Variants in RAD51B observed in about 807,000 individuals in gnomAD.
RAD51B encodes RAD51 paralog B.
RAD51B carries 38 observed loss-of-function variants against 42.2 expected under a neutral mutation model. That is an observed-to-expected ratio of 0.90 (90% CI 0.70 to 1.18). The LOEUF is 1.18. Ranked by LOEUF, RAD51B falls within the 50% of genes most tolerant of loss-of-function variation. The pLI is 0.00. For synonymous variants in RAD51B, 154 were observed against 145.2 expected (o/e 1.06, Z -0.43); for missense variants, 373 against 400.7 (o/e 0.93, Z 0.59).
At chr14:68,060,084 T>C (rs1480218833) in intron 7 of RAD51B, among the ~76,000 whole-genome samples, 1 of 152,192 alleles carries the variant, frequency 6.6e-6, no homozygotes, top group Non-Finnish European at 1.5e-5. Context: ...CCCAGTGCCA[T>C]GACCACTTTT....
At chr14:68,101,360 G>C (rs2077286042) in intron 7 of RAD51B, among the ~76,000 whole-genome samples, 1 of 152,146 alleles carries the variant, frequency 6.6e-6, no homozygotes, top group South Asian at 2.1e-4. Context: ...AAAAGTCCAA[G>C]TCCAAAGTCT....
chr14:67,948,809 G>A (rs1483791525), intron 7 of RAD51B, among the ~76,000 whole-genome samples: 1 of 151,624 alleles, frequency 6.6e-6, no homozygotes, highest in Non-Finnish European at 1.5e-5. Context: ...GTGGGCGCCT[G>A]TAGTCCCATC....
intron 9 of RAD51B, among the ~76,000 whole-genome samples, chr14:68,462,584 T>C (rs545734886): frequency 1.3e-5 from 2 of 152,150 alleles, no homozygotes; most frequent in East Asian, 3.9e-4. Flanking sequence ...CAAAACAGAG[T>C]CTCACGATGT....
intron 7 of RAD51B, among the ~76,000 whole-genome samples, chr14:68,129,113 G>A (rs1207385102): frequency 6.6e-6 from 1 of 152,214 alleles, no homozygotes; most frequent in African/African-American, 2.4e-5. Flanking sequence ...TTTTATAGAT[G>A]AGGAGATCGG....
intron 7 of RAD51B, among the ~76,000 whole-genome samples, chr14:67,899,929 T>C (rs184902379): frequency 1.3e-4 from 20 of 152,354 alleles, no homozygotes; most frequent in African/African-American, 4.1e-4. Flanking sequence ...GTGATTACAA[T>C]GCATGTGTTC....
chr14:68,581,515 C>T (rs1333676531), intron 10 of RAD51B, among the ~76,000 whole-genome samples: 1 of 152,088 alleles, frequency 6.6e-6, no homozygotes, highest in Non-Finnish European at 1.5e-5. Flanking sequence ...GTACAACAAG[C>T]AGTCTGAGGG....
At chr14:67,980,000 T>A (rs2075061865) in intron 7 of RAD51B, among the ~76,000 whole-genome samples, 1 of 152,240 alleles carries the variant, frequency 6.6e-6, no homozygotes, top group African/African-American at 2.4e-5. Flanking sequence ...GTACTTCATC[T>A]TTTTAAAAGG....
At chr14:68,546,106 G>A (rs1465619224) in intron 10 of RAD51B, among the ~76,000 whole-genome samples, 2 of 152,218 alleles carry the variant, frequency 1.3e-5, no homozygotes, top group African/African-American at 4.8e-5. Flanking sequence ...CTGGCACACA[G>A]TGGGTCACCA....
At chr14:68,131,424 G>C (rs1045922300) in intron 7 of RAD51B, among the ~76,000 whole-genome samples, 1 of 152,114 alleles carries the variant, frequency 6.6e-6, no homozygotes, top group Admixed American at 6.5e-5. Flanking sequence ...CGCTGGGTGC[G>C]GTGGCTCACG....
intron 8 of RAD51B, among the ~76,000 whole-genome samples, chr14:68,364,115 C>G (rs1352134543): frequency 2.0e-5 from 3 of 152,214 alleles, no homozygotes; most frequent in African/African-American, 4.8e-5. Context: ...CATCCTAACC[C>G]TCTCTCCTTC....
At chr14:68,298,685 C>T (rs963959377) in intron 8 of RAD51B, among the ~76,000 whole-genome samples, 4 of 152,104 alleles carry the variant, frequency 2.6e-5, no homozygotes, top group Admixed American at 6.5e-5. Context: ...AGAGAGGTGA[C>T]GACAGGGCCA....
intron 7 of RAD51B, among the ~76,000 whole-genome samples, chr14:68,227,998 T>C (rs778918611): frequency 6.6e-6 from 1 of 152,228 alleles, no homozygotes; most frequent in Non-Finnish European, 1.5e-5. Flanking sequence ...GCTAAATGTT[T>C]TGCATACATT....
intron 7 of RAD51B, among the ~76,000 whole-genome samples, chr14:68,096,889 T>C (rs2077205391): frequency 6.6e-6 from 1 of 152,244 alleles, no homozygotes; most frequent in African/African-American, 2.4e-5. Context: ...TAATTATTTA[T>C]TTTGTCAGTA....
chr14:68,631,336 T>C (rs932901194), intron 10 of RAD51B, among the ~76,000 whole-genome samples: 4 of 152,278 alleles, frequency 2.6e-5, no homozygotes, highest in East Asian at 1.9e-4. Context: ...ATAATATTGT[T>C]TCACTTCCTG....
rs767754017 is a variant in RAD51B at position 68,411,452 on chromosome 14, C to T, written c.882C>T (p.Ala294=). ...CTTCTGGATCCAGCTGTGTGATAGCCGCACTAGGAAATACCTGGAGTCACA... is the reference window on the plus strand; with the variant it reads ...CTTCTGGATCCAGCTGTGTGATAGCTGCACTAGGAAATACCTGGAGTCACA... The part of the protein sequence containing the change: ...EGTSGSSCVI[A]ALGNTWSHSV... The change falls in exon 9 of 11, where the codon GCC becomes GCT. Residue 294 remains alanine, a synonymous_variant. Coordinates refer to ENST00000471583, the MANE Select transcript of RAD51B (RefSeq NM_133510.4). 1.1e-5 allele frequency: 18 copies of T among 1,613,938 alleles called. No homozygotes were observed. Among genetic ancestry groups the T allele is most frequent in the African/African-American group, 8.0e-5 (6 of 74,900 alleles).
chr14:68,041,790 A>C (rs1566599653), intron 7 of RAD51B, among the ~76,000 whole-genome samples: 1 of 152,106 alleles, frequency 6.6e-6, no homozygotes, highest in Non-Finnish European at 1.5e-5. Context: ...TCTGCCATTC[A>C]GCTATTTTAC....
intron 10 of RAD51B, among the ~76,000 whole-genome samples, chr14:68,619,554 G>C (rs915510683): frequency 6.6e-6 from 1 of 152,154 alleles, no homozygotes; most frequent in African/African-American, 2.4e-5. Flanking sequence ...TAAGGTCAAG[G>C]AAGCAAGTTA....
intron 10 of RAD51B, among the ~76,000 whole-genome samples, chr14:68,638,468 A>G (rs1202777443): frequency 6.6e-6 from 1 of 152,192 alleles, no homozygotes; most frequent in African/African-American, 2.4e-5. Flanking sequence ...CAGATGGAAA[A>G]GGTCACACAG....
intron 10 of RAD51B, chr14:68,541,810 A>T: frequency 3.0e-6 from 3 of 985,362 alleles, no homozygotes; most frequent in Non-Finnish European, 3.6e-6. Context: ...GCCACTCTGC[A>T]AGAGTCTATC....
Sources: allele counts gnomAD v4.1 joint callset (sites outside exome capture counted in the v4.1 genomes callset), GRCh38; gene constraint gnomAD v4.1.1; transcripts MANE v1.5; gene names NCBI Gene and HGNC (gene_info 2026-07-23, HGNC 2026-07-21).